The following SLC23A2 variants were observed in gnomAD, a reference collection of about 807,000 sequenced individuals.
The protein encoded by SLC23A2 is solute carrier family 23 member 2.
Under a neutral mutation model 73.3 loss-of-function variants are expected in SLC23A2, and 36 were observed. The ratio of observed to expected loss-of-function variants is 0.49; its 90% CI spans 0.38 to 0.65. The LOEUF is 0.65. SLC23A2 is among the 30% of genes least tolerant of loss of function. The pLI is 0.00. For missense variants in SLC23A2, 507 were observed against 841.6 expected, an observed-to-expected ratio of 0.60 and a Z score of 4.92; for synonymous variants, 343 against 327.3, an observed-to-expected ratio of 1.05 and a Z score of -0.52.
At chr20:4,905,526 A>T (rs1205264356) in intron 4 of SLC23A2, among the ~76,000 whole-genome samples, 8 of 152,254 alleles carry the variant, frequency 5.3e-5, no homozygotes, top group Admixed American at 3.9e-4. Context: ...AAGACTTTCC[A>T]TCTTATTCTA....
rs781271986 is a variant in SLC23A2 at position 4,859,243 on chromosome 20, T to TAAAAAA, written c.1720+45_1720+46insTTTTTT. 4.3e-5 allele frequency: 46 copies of TAAAAAA among 1,076,252 alleles called. 5 individuals carry two copies. The highest frequency in any genetic ancestry group is 1.4e-4 in the South Asian group (10 of 70,150). 66.7% of individuals were successfully genotyped at this position (1,076,252 alleles called of 1,614,324 possible). On this transcript the variant is annotated intron_variant, in intron 16 of 16. Transcript: ENST00000338244. ...TTTGGCAAAAAAAGTAACACATATG[T>TAAAAAA]TAAAAAATAAAAAAAAAAAAAGTGT... is the stretch of plus-strand genomic sequence containing the variant.
chr20:4,981,035 C>CTT (rs1358361713), intron 1 of SLC23A2, among the ~76,000 whole-genome samples: 1 of 152,186 alleles, frequency 6.6e-6, no homozygotes, highest in Admixed American at 6.5e-5. Flanking sequence ...ATTTAGTGGT[C>CTT]TCTATATGAC....
At chr20:4,901,372 T>C (rs1447373707) in intron 5 of SLC23A2, among the ~76,000 whole-genome samples, 1 of 152,190 alleles carries the variant, frequency 6.6e-6, no homozygotes, top group Non-Finnish European at 1.5e-5. Context: ...TAGGTTGAAC[T>C]GACCACACAA....
rs566393288 is a variant in SLC23A2 at position 4,999,106 on chromosome 20, C to T, written c.-282+2300G>A. On this transcript the variant is annotated intron_variant, in intron 1 of 16. Coordinates refer to ENST00000338244, the MANE Select transcript of SLC23A2 (RefSeq NM_005116.6). ...AGGCATGAGCCACCATGCCCAGCCC[C>T]GGCCTACTGCTTTTAATTACCTTAA... 4.6e-5 allele frequency among the ~76,000 whole-genome samples: 7 copies of T among 152,000 alleles called. No individual in the cohort carries two copies. The South Asian group carries it at 1.2e-3, about 27-fold the overall frequency.
chr20:4,986,606 G>T (rs866775558), intron 1 of SLC23A2, among the ~76,000 whole-genome samples: 1 of 150,504 alleles, frequency 6.6e-6, no homozygotes, highest in Non-Finnish European at 1.5e-5. Flanking sequence ...GAGTCACCGC[G>T]CCTGGCCTTG....
chr20:4,934,128 G>C (rs908833302), intron 2 of SLC23A2, among the ~76,000 whole-genome samples: 1 of 152,156 alleles, frequency 6.6e-6, no homozygotes, highest in Admixed American at 6.6e-5. Flanking sequence ...AAATTCTTCC[G>C]GGGTGGTCGT....
intron 3 of SLC23A2, among the ~76,000 whole-genome samples, chr20:4,928,313 T>C (rs933608673): frequency 2.6e-5 from 4 of 152,236 alleles, no homozygotes; most frequent in South Asian, 2.1e-4. Flanking sequence ...AGTGCTGAGA[T>C]TACAGGCCTG....
chr20:4,871,575 G>GA (rs1930448594), intron 11 of SLC23A2, among the ~76,000 whole-genome samples: 1 of 152,160 alleles, frequency 6.6e-6, no homozygotes, highest in African/African-American at 2.4e-5. Flanking sequence ...ATTGGGAAGA[G>GA]AAAGGATACA....
chr20:4,866,596 T>C lies in SLC23A2; in HGVS notation c.1356+1174A>G, dbSNP rs113575480. 3.1e-3 allele frequency among the ~76,000 whole-genome samples: 466 copies of C among 152,326 alleles called. 5 individuals are homozygous for C. The highest frequency in any genetic ancestry group is 9.4e-3 in the African/African-American group (390 of 41,572). ...AGGGAGCAACAGGCAGATGGGGCCA[T>C]TGGCACACCTCAGGCTGAGCTCTGG... On this transcript the variant is annotated intron_variant, in intron 13 of 16. Transcript: ENST00000338244.
Position 4,882,006 on chromosome 20 carries a change from T to G in SLC23A2, c.824+1636A>C, listed in dbSNP as rs140196816. 2.6e-5 allele frequency among the ~76,000 whole-genome samples: 4 copies of G among 152,356 alleles called. No individual in the cohort carries two copies. In the East Asian group the frequency reaches 7.7e-4, roughly 29 times the overall value. ...CATTAATTACATTTCGCTGAAAGAC[T>G]ATTCTCACATGCCATCTTCCCATCT... On this transcript the variant is annotated intron_variant, in intron 9 of 16. Coordinates refer to ENST00000338244, the MANE Select transcript of SLC23A2 (RefSeq NM_005116.6).
intron 4 of SLC23A2, among the ~76,000 whole-genome samples, chr20:4,906,938 G>A (rs930664258): frequency 6.6e-6 from 1 of 152,202 alleles, no homozygotes; most frequent in African/African-American, 2.4e-5. Context: ...GAAGAGGTGG[G>A]CTGGCTGACC....
At chr20:5,009,588 C>G (rs1052253029) in intron 1 of SLC23A2, among the ~76,000 whole-genome samples, 4 of 152,192 alleles carry the variant, frequency 2.6e-5, no homozygotes, top group Non-Finnish European at 4.4e-5. Context: ...GCCTACCACA[C>G]AGTAAGTTCT....
chr20:4,907,040 G>T (rs144051023), intron 4 of SLC23A2, among the ~76,000 whole-genome samples: 1 of 152,180 alleles, frequency 6.6e-6, no homozygotes, highest in Non-Finnish European at 1.5e-5. Context: ...TGGTCAGACA[G>T]TGTGTTAACT....
intron 2 of SLC23A2, among the ~76,000 whole-genome samples, chr20:4,945,519 A>G (rs2087107549): frequency 6.6e-6 from 1 of 152,138 alleles, no homozygotes; most frequent in Non-Finnish European, 1.5e-5. Context: ...CCTGAGCTCA[A>G]GCAATCCTCC....
intron 2 of SLC23A2, among the ~76,000 whole-genome samples, chr20:4,958,610 T>G (rs1419929302): frequency 6.6e-6 from 1 of 152,040 alleles, no homozygotes; most frequent in Non-Finnish European, 1.5e-5. Context: ...GTATTTTTGG[T>G]AGAGATGAGG....
In SLC23A2 at chr20:4,857,330, ACACAC is replaced by A; in HGVS notation, c.1721-131_1721-127del. 1 of 551,628 alleles carries A rather than the reference ACACAC, an allele frequency of 1.8e-6. No homozygotes were observed. The highest frequency in any genetic ancestry group is 3.1e-6 in the Non-Finnish European group (1 of 318,904). 34.2% of individuals were successfully genotyped at this position (551,628 alleles called of 1,614,324 possible). A position where few individuals can be genotyped will look rare whatever the true frequency, so the allele number is the denominator to read the frequency against. On this transcript the variant is annotated intron_variant, in intron 16 of 16. Coordinates refer to ENST00000338244, the MANE Select transcript of SLC23A2 (RefSeq NM_005116.6). This position sits in a 1 kb window ranked among gnomAD's most constrained non-coding sequence, Gnocchi z 4.0. Reference sequence around the variant, plus strand: ...CACACACACACACACACACACACACACACACATGGTCCCACAGATCAAACCTGCCT... The same window carrying A: ...CACACACACACACACACACACACACAATGGTCCCACAGATCAAACCTGCCT...
Position 4,867,763 on chromosome 20 carries a change from TG to T in SLC23A2, c.1356+6del. The T allele has an allele frequency of 6.7e-7, 1 of 1,486,212 alleles. No homozygotes were observed. The highest frequency in any genetic ancestry group is 9.4e-7 in the Non-Finnish European group (1 of 1,065,442). 92.1% of individuals were successfully genotyped at this position (1,486,212 alleles called of 1,614,324 possible). On this transcript the variant is annotated splice_donor_region_variant and intron_variant, in intron 13 of 16. Coordinates refer to ENST00000338244, the MANE Select transcript of SLC23A2 (RefSeq NM_005116.6). Reference sequence around the variant, plus strand: ...ACCCAATCATTTAATTAGAAAAATCTGTGTACCTTTGTAATTCCCAAAACTC... The same window carrying T: ...ACCCAATCATTTAATTAGAAAAATCTTGTACCTTTGTAATTCCCAAAACTC...
rs1930983313 is a variant in SLC23A2, at chr20:4,883,752, T to C, written c.714A>G (p.Leu238=). The C allele has an allele frequency of 5.6e-6, 9 of 1,613,966 alleles. No individual in the cohort carries two copies. In the East Asian group the frequency reaches 6.7e-5, roughly 12 times the overall value. Reference sequence around the variant, plus strand: ...TGGTCAAGGGACCGATGTACTTCAGTAGAGCCCCAGGCAGGCCGAGGAGGC... The same window carrying C: ...TGGTCAAGGGACCGATGTACTTCAGCAGAGCCCCAGGCAGGCCGAGGAGGC... ...VIGLLGLPGA[L]LKYIGPLTIT... Residue 238 remains leucine, a synonymous_variant, in exon 9 of 17, where the codon CTA becomes CTG. Coordinates refer to ENST00000338244, the MANE Select transcript of SLC23A2 (RefSeq NM_005116.6). This position sits in a 1 kb window ranked among gnomAD's most constrained non-coding sequence, Gnocchi z 4.5.
intron 6 of SLC23A2, among the ~76,000 whole-genome samples, chr20:4,896,103 G>T (rs559231847): frequency 5.9e-5 from 9 of 152,184 alleles, no homozygotes; most frequent in Non-Finnish European, 8.8e-5. Context: ...GTGGAGAGAC[G>T]TGGGGGGGAT....
Sources: allele counts gnomAD v4.1 joint callset (sites outside exome capture counted in the v4.1 genomes callset), GRCh38; gene constraint gnomAD v4.1.1; non-coding constraint Gnocchi (gnomAD v3.1); transcripts MANE v1.5; gene names NCBI Gene and HGNC (gene_info 2026-07-23, HGNC 2026-07-21).